The following GRM5 variants were observed in gnomAD, a reference collection of about 807,000 sequenced individuals.
GRM5 encodes the protein metabotropic glutamate receptor 5.
GRM5 carries 19 observed loss-of-function variants against 83.1 expected under a neutral mutation model. The ratio of observed to expected loss-of-function variants is 0.23; its 90% confidence interval spans 0.16 to 0.34. The LOEUF (loss-of-function observed/expected upper bound fraction) is 0.34. Ranked by LOEUF, GRM5 falls within the 10% of genes least tolerant of loss-of-function variation. GRM5 has a pLI of 1.00. For missense variants in GRM5, 1,160 were observed against 1,588.3 expected (o/e 0.73, Z 4.58); for synonymous variants, 675 against 633.6 (o/e 1.07, Z -0.98).
chr11:88,650,960 A>G (rs559501736), intron 4 of GRM5, among the ~76,000 whole-genome samples: 3 of 152,158 alleles, frequency 2.0e-5, no homozygotes, highest in Non-Finnish European at 4.4e-5. Flanking sequence ...GGCAGTACAT[A>G]TAAAGTGTCC....
intron 2 of GRM5, among the ~76,000 whole-genome samples, chr11:88,878,509 T>C (rs1372495159): frequency 1.3e-5 from 2 of 152,146 alleles, no homozygotes; most frequent in African/African-American, 2.4e-5. Context: ...TGCCAAGGGA[T>C]ACACTTGCTT....
At chr11:88,889,659 C>T (rs983069714) in intron 2 of GRM5, among the ~76,000 whole-genome samples, 1 of 152,046 alleles carries the variant, frequency 6.6e-6, no homozygotes, top group African/African-American at 2.4e-5. Flanking sequence ...ATTTAAAAGG[C>T]CTTTATATTT....
At chr11:88,800,128 C>T (rs1282643580) in intron 3 of GRM5, among the ~76,000 whole-genome samples, 1 of 152,158 alleles carries the variant, frequency 6.6e-6, no homozygotes, top group Non-Finnish European at 1.5e-5. Flanking sequence ...AACCTCGGGG[C>T]TGGCAGGGAA....
chr11:88,831,774 T>A (rs1394868649), intron 3 of GRM5, among the ~76,000 whole-genome samples: 1 of 152,168 alleles, frequency 6.6e-6, no homozygotes, highest in Non-Finnish European at 1.5e-5. Context: ...TCCAAAGGAT[T>A]GTTCTGCCAC....
chr11:88,597,243 T>G lies in GRM5; in HGVS notation c.1504A>C (p.Lys502Gln). The change falls in exon 6 of 10, where the codon AAG becomes CAG. Residue 502 changes from lysine to glutamine, a missense_variant. By Grantham distance (53) the Lys-to-Gln change is moderately conservative. This residue lies in a region of GRM5 where 30 missense variants were observed against 19.7 expected (regional missense o/e 1.52). Coordinates refer to ENST00000305447, the MANE Select transcript of GRM5 (RefSeq NM_001143831.3). The part of the protein sequence containing the change: ...LKMDDDEVWS[K>Q]KSNIIRSVCS... ...ACAGATCTGATGATGTTGCTTTTCT[T>G]GGACCATACTTCATCATCATCCATT... The G allele has an allele frequency of 6.2e-7, 1 of 1,609,668 alleles. No individual in the cohort carries two copies. The highest frequency in any genetic ancestry group is 8.5e-7 in the Non-Finnish European group (1 of 1,176,462).
At chr11:88,569,731 A>AC (rs1219406148) in intron 7 of GRM5, among the ~76,000 whole-genome samples, 3 of 151,782 alleles carry the variant, frequency 2.0e-5, no homozygotes, top group Non-Finnish European at 4.4e-5. Flanking sequence ...AGAACCATGG[A>AC]CCCCCCACTA....
chr11:88,979,613 T>G (rs953505461), intron 2 of GRM5, among the ~76,000 whole-genome samples: 2 of 152,182 alleles, frequency 1.3e-5, no homozygotes, highest in African/African-American at 4.8e-5. Context: ...ATCTTACTAT[T>G]TGTAGAAAAG....
intron 9 of GRM5, among the ~76,000 whole-genome samples, chr11:88,514,396 A>G (rs1941469368): frequency 2.0e-5 from 3 of 152,082 alleles, no homozygotes; most frequent in Non-Finnish European, 4.4e-5. Flanking sequence ...CCATATCAGA[A>G]ACTTAGCAAA....
At chr11:88,880,091 A>G (rs1944927000) in intron 2 of GRM5, among the ~76,000 whole-genome samples, 1 of 152,124 alleles carries the variant, frequency 6.6e-6, no homozygotes. Context: ...GACATGAGCC[A>G]GCCAAGTCTT....
chr11:88,926,969 A>G (rs1473244754), intron 2 of GRM5, among the ~76,000 whole-genome samples: 6 of 152,176 alleles, frequency 3.9e-5, no homozygotes, highest in Non-Finnish European at 7.4e-5. Context: ...TTACATTTCA[A>G]CTATTTACAT....
intron 8 of GRM5, among the ~76,000 whole-genome samples, chr11:88,566,413 C>A (rs1942875151): frequency 6.6e-6 from 1 of 152,112 alleles, no homozygotes; most frequent in African/African-American, 2.4e-5. Context: ...TGGGATGAGA[C>A]TATAGGCAAC....
chr11:88,670,465 G>A (rs1940162449), intron 3 of GRM5, among the ~76,000 whole-genome samples: 1 of 151,702 alleles, frequency 6.6e-6, no homozygotes, highest in Non-Finnish European at 1.5e-5. Context: ...CACAAATTAG[G>A]AGAAGATCTT....
At chr11:88,891,811 G>A (rs918394240) in intron 2 of GRM5, among the ~76,000 whole-genome samples, 6 of 152,018 alleles carry the variant, frequency 3.9e-5, no homozygotes, top group African/African-American at 1.4e-4. Context: ...CAATAGCTTT[G>A]AAGATTGTAA....
At chr11:88,688,804 A>G (rs552233554) in intron 3 of GRM5, among the ~76,000 whole-genome samples, 23 of 152,168 alleles carry the variant, frequency 1.5e-4, no homozygotes, top group Admixed American at 7.9e-4. Context: ...TTGTCTTTGG[A>G]TCAGAGAGAC....
At chr11:88,545,771 C>T (rs1233101641) in intron 8 of GRM5, among the ~76,000 whole-genome samples, 1 of 152,098 alleles carries the variant, frequency 6.6e-6, no homozygotes, top group African/African-American at 2.4e-5. Flanking sequence ...TCTTGTCACT[C>T]TAAATTTTAT....
At chr11:88,668,314 C>CACAG (rs1940103916) in intron 3 of GRM5, among the ~76,000 whole-genome samples, 1 of 150,560 alleles carries the variant, frequency 6.6e-6, no homozygotes, top group African/African-American at 2.4e-5. Flanking sequence ...CACACACACA[C>CACAG]ACACACACAC....
intron 1 of GRM5, among the ~76,000 whole-genome samples, chr11:89,052,429 G>T (rs1030254628): frequency 2.6e-5 from 4 of 152,154 alleles, no homozygotes; most frequent in Middle Eastern, 3.4e-3. Context: ...GGGCAAAAAA[G>T]AATGTTTTAG....
intron 3 of GRM5, among the ~76,000 whole-genome samples, chr11:88,746,611 T>G (rs1942149940): frequency 6.6e-6 from 1 of 152,088 alleles, no homozygotes; most frequent in Middle Eastern, 3.4e-3. Context: ...CTTTTTCCAA[T>G]ATACGAGCTG....
At chr11:88,903,568 TA>T (rs1162506567) in intron 2 of GRM5, among the ~76,000 whole-genome samples, 2 of 152,112 alleles carry the variant, frequency 1.3e-5, no homozygotes, top group Admixed American at 1.3e-4. Context: ...ATTCAGCCAT[TA>T]AAAAGAACAA....
Sources: gnomAD v4.1 joint callset for allele counts (sites outside exome capture counted in the v4.1 genomes callset) on GRCh38, gnomAD v4.1.1 for gene constraint, gnomAD v4.1.1 regional missense constraint, MANE v1.5 for transcripts, NCBI Gene and HGNC (gene_info 2026-07-23, HGNC 2026-07-21) for gene names.